The following EEPD1 variants were observed in gnomAD, a reference collection of about 807,000 sequenced individuals.
EEPD1 encodes the protein endonuclease/exonuclease/phosphatase family domain containing 1, also known as endonuclease/exonuclease/phosphatase family domain-containing protein 1.
EEPD1 carries 17 observed loss-of-function variants against 46.3 expected under a neutral mutation model. The observed-to-expected ratio is 0.37, with a 90% CI of 0.25 to 0.55. The LOEUF (loss-of-function observed/expected upper bound fraction) is 0.55, where lower values mean the gene tolerates loss of function less well. EEPD1 is among the 20% of genes least tolerant of loss of function. EEPD1 has a pLI of 0.83. For synonymous variants in EEPD1, 313 were observed against 315.6 expected, an observed-to-expected ratio of 0.99 and a Z score of 0.09; for missense variants, 673 against 745.6, an observed-to-expected ratio of 0.90 and a Z score of 1.13.
intron 3 of EEPD1, among the ~76,000 whole-genome samples, chr7:36,270,076 G>C (rs935824652): frequency 1.3e-5 from 2 of 152,162 alleles, no homozygotes; most frequent in African/African-American, 4.8e-5. Context: ...ACATGGCACA[G>C]TATAAGTGGG....
Position 36,154,668 on chromosome 7 carries a change from G to T in EEPD1, c.344G>T (p.Arg115Leu), listed in dbSNP as rs1205854689. Residue 115 changes from arginine to leucine, a missense_variant, in exon 2 of 8, where the codon CGG (arginine) becomes CTG (leucine). Coordinates refer to ENST00000242108, the MANE Select transcript of EEPD1 (RefSeq NM_030636.3). The surrounding 1 kb of genome is among the most constrained non-coding windows in gnomAD (Gnocchi z 4.2). ...GCGCAGCACTCTCCCAGTTCCCTGC[G>T]GCGGGACCTGCTAGCGGAGCAGCAG... is the stretch of plus-strand genomic sequence containing the variant. ...SSAQHSPSSL[R>L]RDLLAEQQPH... 3 of 1,613,638 alleles carry T rather than the reference G, an allele frequency of 1.9e-6. No individual in the cohort carries two copies. The highest frequency in any genetic ancestry group is 1.7e-6 in the Non-Finnish European group (2 of 1,179,966).
At chr7:36,216,428 T>G (rs1289351030) in intron 2 of EEPD1, among the ~76,000 whole-genome samples, 1 of 152,228 alleles carries the variant, frequency 6.6e-6, no homozygotes, top group Non-Finnish European at 1.5e-5. Context: ...CTTTTCCACC[T>G]ATTGGATTGG....
At chr7:36,223,276 C>T (rs2115750285) in intron 2 of EEPD1, among the ~76,000 whole-genome samples, 1 of 152,318 alleles carries the variant, frequency 6.6e-6, no homozygotes, top group Non-Finnish European at 1.5e-5. Context: ...CTGGGTGGAG[C>T]TGGTGTGCAA....
At position 36,299,183 on chromosome 7, in the gene EEPD1, G is replaced by C; in HGVS notation, c.1687G>C (p.Ala563Pro). Residue 563 changes from alanine (A) to proline (P), a missense_variant, in exon 8 of 8, where the codon GCC (alanine) becomes CCC (proline). Physicochemically the swap from Ala to Pro is conservative, Grantham distance 27. Transcript: ENST00000242108. ...CGGGGTGGCCTTGGAGCGAAGTGAA[G>C]CCAACATCAAGCACGAGCGATGATG... The part of the protein sequence containing the change: ...GSGVALERSE[A>P]NIKHER The C allele has an allele frequency of 6.2e-7, 1 of 1,614,188 alleles. No individual in the cohort carries two copies. Among genetic ancestry groups the C allele is most frequent in the Non-Finnish European group, 8.5e-7 (1 of 1,180,022 alleles).
intron 2 of EEPD1, among the ~76,000 whole-genome samples, chr7:36,168,284 C>T (rs1785019584): frequency 6.6e-6 from 1 of 152,240 alleles, no homozygotes; most frequent in South Asian, 2.1e-4. Flanking sequence ...AATGCTCACA[C>T]TACTTCAGTG....
intron 2 of EEPD1, among the ~76,000 whole-genome samples, chr7:36,219,804 A>AGTGTGTGTGTGTGTGTGTGTGT (rs770071168): frequency 1.1e-5 from 1 of 87,616 alleles, no homozygotes; most frequent in Admixed American, 1.4e-4. Flanking sequence ...AGAGAGAGAG[A>AGTGTGTGTGTGTGTGTGTGTGT]GAGTGTGTGT....
At chr7:36,207,291 C>G (rs1785838596) in intron 2 of EEPD1, among the ~76,000 whole-genome samples, 1 of 151,818 alleles carries the variant, frequency 6.6e-6, no homozygotes, top group Non-Finnish European at 1.5e-5. Context: ...TTAATCTGCC[C>G]ATGATATCAG....
At chr7:36,173,325 T>TAAAAA (rs34007011) in intron 2 of EEPD1, among the ~76,000 whole-genome samples, 5 of 103,598 alleles carry the variant, frequency 4.8e-5, no homozygotes, top group Admixed American at 1.1e-4. Context: ...CGTTTATACT[T>TAAAAA]AAAAAAAAAA....
intron 3 of EEPD1, among the ~76,000 whole-genome samples, chr7:36,279,241 A>G (rs1414873884): frequency 6.6e-6 from 1 of 152,122 alleles, no homozygotes; most frequent in Non-Finnish European, 1.5e-5. Context: ...TGTGCCAGGT[A>G]GGGGTTTATA....
At chr7:36,203,820 T>C (rs1395370690) in intron 2 of EEPD1, among the ~76,000 whole-genome samples, 16 of 152,140 alleles carry the variant, frequency 1.1e-4, no homozygotes, top group Admixed American at 1.0e-3. Flanking sequence ...TGACAAAGAA[T>C]CACCCATAAA....
rs570387900 is a variant in EEPD1, at chr7:36,194,653, C to A, written c.878+39451C>A. On this transcript the variant is annotated intron_variant, in intron 2 of 7. Coordinates refer to ENST00000242108, the MANE Select transcript of EEPD1 (RefSeq NM_030636.3). The stretch of plus-strand genomic sequence containing the variant: ...ATGGCTTTCCATGGATGTGACTCTA[C>A]AACCTAGGAGGAGTCCCAGGCCAGG... Among the ~76,000 whole-genome samples the A allele has an allele frequency of 3.3e-5, 5 of 152,300 alleles. No individual in the cohort carries two copies. The South Asian group carries it at 1.0e-3, about 32-fold the overall frequency.
At chr7:36,169,114 A>G (rs1163549625) in intron 2 of EEPD1, among the ~76,000 whole-genome samples, 1 of 152,184 alleles carries the variant, frequency 6.6e-6, no homozygotes, top group Non-Finnish European at 1.5e-5. Flanking sequence ...TTATCCATTC[A>G]TCAGGTGATG....
chr7:36,221,260 T>C (rs1406475730), intron 2 of EEPD1, among the ~76,000 whole-genome samples: 1 of 152,256 alleles, frequency 6.6e-6, no homozygotes, highest in African/African-American at 2.4e-5. Context: ...TATCATCTTT[T>C]AATAAACTTG....
intron 2 of EEPD1, among the ~76,000 whole-genome samples, chr7:36,227,646 C>T (rs1186805407): frequency 3.3e-5 from 5 of 152,116 alleles, no homozygotes; most frequent in Admixed American, 6.6e-5. Context: ...TGGCCAGGCG[C>T]AGTGGCTCAC....
intron 2 of EEPD1, among the ~76,000 whole-genome samples, chr7:36,170,408 C>CAA (rs546236185): frequency 7.1e-6 from 1 of 141,012 alleles, no homozygotes. Context: ...GACTCTGTCT[C>CAA]AAAAAAAAAA....
chr7:36,199,756 G>A (rs1049320223), intron 2 of EEPD1, among the ~76,000 whole-genome samples: 1 of 152,134 alleles, frequency 6.6e-6, no homozygotes, highest in Admixed American at 6.5e-5. Context: ...AAGCTATGGT[G>A]GTTCCCAACA....
chr7:36,248,416 A>G (rs1056871266), intron 3 of EEPD1, among the ~76,000 whole-genome samples: 1 of 151,332 alleles, frequency 6.6e-6, no homozygotes, highest in Non-Finnish European at 1.5e-5. Flanking sequence ...TGCATTTCCC[A>G]GGCTGGTCTC....
In EEPD1 at chr7:36,154,949, G is replaced by T. The variant is rs757737845; in HGVS notation, c.625G>T (p.Gly209Trp). Reference sequence around the variant, plus strand: ...CAGGCCCCCATCCACCCACACGAACGGGGGACTGACCTTCACCGCCAAGCC... The same window carrying T: ...CAGGCCCCCATCCACCCACACGAACTGGGGACTGACCTTCACCGCCAAGCC... ...RSRPPSTHTN[G>W]GLTFTAKPHP... Residue 209 changes from glycine (G) to tryptophan (W), a missense_variant, in exon 2 of 8, where the codon GGG becomes TGG. Coordinates refer to ENST00000242108, the MANE Select transcript of EEPD1 (RefSeq NM_030636.3). The surrounding 1 kb of genome is among the most constrained non-coding windows in gnomAD (Gnocchi z 4.2). 1.4e-5 allele frequency: 23 copies of T among 1,613,818 alleles called. No homozygotes were observed. The highest frequency in any genetic ancestry group is 1.9e-5 in the Non-Finnish European group (23 of 1,179,998).
chr7:36,287,236 CAAAAAAAAAAAA>C (rs377318198), intron 5 of EEPD1, among the ~76,000 whole-genome samples: 27 of 42,204 alleles, frequency 6.4e-4, no homozygotes, highest in Non-Finnish European at 7.9e-4. Flanking sequence ...GACTCCTTCT[CAAAAAAAAAAAA>C]AAAAAAAAAA....
Sources: allele counts gnomAD v4.1 joint callset (sites outside exome capture counted in the v4.1 genomes callset), GRCh38; gene constraint gnomAD v4.1.1; non-coding constraint Gnocchi (gnomAD v3.1); transcripts MANE v1.5; gene names NCBI Gene and HGNC (gene_info 2026-07-23, HGNC 2026-07-21).